The following GYPE variants were observed in gnomAD, a reference collection of about 807,000 sequenced individuals.
GYPE encodes the protein glycophorin-E.
A neutral mutation model predicts 11.6 loss-of-function variants in GYPE; 8 were observed. The ratio of observed to expected loss-of-function variants is 0.69; its 90% CI spans 0.41 to 1.25. GYPE has a LOEUF of 1.25. GYPE is among the 50% of genes most tolerant of loss of function. The pLI is 0.01. For missense variants in GYPE, 90 were observed against 92.8 expected (o/e 0.97, Z 0.12); for synonymous variants, 28 against 29.6 (o/e 0.94, Z 0.18).
chr4:143,894,330 C>A (rs1246064668), intron 1 of GYPE, among the ~76,000 whole-genome samples: 1 of 152,146 alleles, frequency 6.6e-6, no homozygotes, highest in Non-Finnish European at 1.5e-5. Flanking sequence ...ATTATCCGTC[C>A]AGCTTTGTTC....
chr4:143,898,908 A>G (rs1047060274), intron 1 of GYPE, among the ~76,000 whole-genome samples: 1 of 150,576 alleles, frequency 6.6e-6, no homozygotes, highest in Non-Finnish European at 1.5e-5. Context: ...TTTCAGTGCC[A>G]TGATCTCTAT....
At chr4:143,895,568 A>C (rs1744595896) in intron 1 of GYPE, among the ~76,000 whole-genome samples, 1 of 149,940 alleles carries the variant, frequency 6.7e-6, no homozygotes, top group Non-Finnish European at 1.5e-5. Context: ...TATCGTGAAA[A>C]TGGCCATACT....
intron 1 of GYPE, among the ~76,000 whole-genome samples, chr4:143,894,618 A>G (rs1024463839): frequency 6.6e-6 from 1 of 152,172 alleles, no homozygotes; most frequent in Non-Finnish European, 1.5e-5. Flanking sequence ...TATTCCAATC[A>G]ATAGAAAAAG....
At chr4:143,885,224 T>A (rs1293051427) in intron 1 of GYPE, among the ~76,000 whole-genome samples, 3 of 152,148 alleles carry the variant, frequency 2.0e-5, no homozygotes, top group Non-Finnish European at 1.5e-5. Context: ...AGCTAACATC[T>A]CTTAAAATTG....
chr4:143,896,793 G>A (rs1163694730), intron 1 of GYPE, among the ~76,000 whole-genome samples: 3 of 152,190 alleles, frequency 2.0e-5, no homozygotes, highest in African/African-American at 7.2e-5. Flanking sequence ...TTAAGAAAAT[G>A]TGGCACATAT....
At chr4:143,872,328 A>C (rs200700981) in intron 3 of GYPE, 76 bp from the exon 4 acceptor site, 1 of 152,546 alleles carries the variant, frequency 6.6e-6, no homozygotes, top group African/African-American at 2.4e-5. Flanking sequence ...TAACAAAAAC[A>C]ACCAGAAAGT....
At position 143,871,576 on chromosome 4, in the gene GYPE, G is replaced by A. The variant is rs899869054; in HGVS notation, c.*686C>T. The stretch of plus-strand genomic sequence containing the variant: ...CACTGGAGTCTCTCGTCAGTGACCT[G>A]GTGGTGAATATATGGTAATGGGTAA... On this transcript the variant is annotated 3_prime_UTR_variant, in exon 4 of 4. Transcript: ENST00000358615. 3.9e-4 allele frequency: 59 copies of A among 152,248 alleles called. No individual in the cohort carries two copies. The highest frequency in any genetic ancestry group is 1.4e-3 in the African/African-American group (59 of 41,514). 9.4% of individuals were successfully genotyped at this position (152,248 alleles called of 1,614,324 possible).
chr4:143,905,516 C>T lies in GYPE; in HGVS notation c.-9G>A, dbSNP rs866514788. 1 of 1,613,182 alleles carries T rather than the reference C, an allele frequency of 6.2e-7. No individual in the cohort carries two copies. Among genetic ancestry groups the T allele is most frequent in the Admixed American group, 1.7e-5 (1 of 59,940 alleles). On this transcript the variant is annotated 5_prime_UTR_variant, in exon 1 of 4. Transcript: ENST00000358615. Reference sequence around the variant, plus strand: ...ATTATTTTTCCATACATCCTGAGATCACGAGCTGGCTCCTGAAGTTAGTGC... The same window carrying T: ...ATTATTTTTCCATACATCCTGAGATTACGAGCTGGCTCCTGAAGTTAGTGC...
intron 1 of GYPE, among the ~76,000 whole-genome samples, chr4:143,901,179 A>G (rs1744851927): frequency 6.6e-6 from 1 of 152,128 alleles, no homozygotes; most frequent in Non-Finnish European, 1.5e-5. Flanking sequence ...TTTGTACACT[A>G]CAAACAAAGA....
At chr4:143,882,095 GTTC>G (rs1196640619) in intron 1 of GYPE, among the ~76,000 whole-genome samples, 2 of 152,040 alleles carry the variant, frequency 1.3e-5, no homozygotes, top group Non-Finnish European at 2.9e-5. Context: ...TCTCTTTTAA[GTTC>G]TTTTCTGGCC....
intron 1 of GYPE, among the ~76,000 whole-genome samples, chr4:143,883,190 T>TGCTCCTGCTCCAAGGCTCTCTCTC (rs1744104800): frequency 6.6e-6 from 1 of 152,088 alleles, no homozygotes; most frequent in Non-Finnish European, 1.5e-5. Context: ...CACTCTCTCT[T>TGCTCCTGCTCCAAGGCTCTCTCTC]GCTCCTGCTC....
At position 143,871,947 on chromosome 4, in the gene GYPE, G is replaced by A. The variant is rs575493922; in HGVS notation, c.*315C>T. 4 of 152,238 alleles carry A rather than the reference G, an allele frequency of 2.6e-5. No homozygotes were observed. Among genetic ancestry groups the A allele is most frequent in the East Asian group, 1.9e-4 (1 of 5,164 alleles). 9.4% of individuals were successfully genotyped at this position (152,238 alleles called of 1,614,324 possible). On this transcript the variant is annotated 3_prime_UTR_variant, in exon 4 of 4. Transcript: ENST00000358615. Reference sequence around the variant, plus strand: ...GAGTTATCTTGCTGATCTTACCCAGGAGGACTGTCCCCTAGGCAAGGGGAC... The same window carrying A: ...GAGTTATCTTGCTGATCTTACCCAGAAGGACTGTCCCCTAGGCAAGGGGAC...
chr4:143,877,348 A>C (rs1288492802), intron 2 of GYPE, among the ~76,000 whole-genome samples: 2 of 152,232 alleles, frequency 1.3e-5, no homozygotes, highest in Non-Finnish European at 2.9e-5. Flanking sequence ...AGGTTAACTT[A>C]GCCTTGGTCA....
At chr4:143,874,101 T>C (rs1360091180) in intron 3 of GYPE, among the ~76,000 whole-genome samples, 2 of 150,198 alleles carry the variant, frequency 1.3e-5, no homozygotes, top group East Asian at 3.9e-4. Context: ...TATGTATATA[T>C]GTATATATAT....
chr4:143,877,981 G>C (rs1743874896), intron 2 of GYPE, among the ~76,000 whole-genome samples: 1 of 148,160 alleles, frequency 6.7e-6, no homozygotes, highest in African/African-American at 2.5e-5. Context: ...TTTTACATGA[G>C]GGCAGAGGGA....
rs1053517816 is a variant in GYPE at position 143,871,294 on chromosome 4, T to C, written c.*968A>G. On this transcript the variant is annotated 3_prime_UTR_variant, in exon 4 of 4. Coordinates refer to ENST00000358615, the MANE Select transcript of GYPE (RefSeq NM_198682.3). ...CTTCAAGGAACCTAAATCCTGGTGT[T>C]TTTATGGTTACGGGTGGCATATAAT... is the stretch of plus-strand genomic sequence containing the variant. The C allele has an allele frequency of 6.6e-5, 10 of 152,216 alleles. No homozygotes were observed. The highest frequency in any genetic ancestry group is 3.3e-4 in the Admixed American group (5 of 15,278). The allele number at this position is 152,216 out of a possible 1,614,324, so 9.4% of individuals were successfully genotyped here. A position where few individuals can be genotyped will look rare whatever the true frequency, so the allele number is the denominator to read the frequency against.
intron 1 of GYPE, among the ~76,000 whole-genome samples, chr4:143,894,744 AAAAATCCTCAAT>A (rs1410862731): frequency 1.3e-5 from 2 of 152,200 alleles, no homozygotes; most frequent in Admixed American, 6.5e-5. Context: ...ACATTGATGC[AAAAATCCTCAAT>A]AAAATCCTGG....
At chr4:143,878,894 C>A (rs1743914115) in intron 2 of GYPE, among the ~76,000 whole-genome samples, 1 of 152,074 alleles carries the variant, frequency 6.6e-6, no homozygotes, top group Non-Finnish European at 1.5e-5. Flanking sequence ...AACAAGTATT[C>A]ATGGATGACA....
intron 1 of GYPE, among the ~76,000 whole-genome samples, chr4:143,900,695 T>A (rs543422660): frequency 6.6e-6 from 1 of 152,204 alleles, no homozygotes; most frequent in African/African-American, 2.4e-5. Context: ...ATGGATGAAC[T>A]TTAAACACAT....
Sources: allele counts gnomAD v4.1 joint callset (sites outside exome capture counted in the v4.1 genomes callset), GRCh38; gene constraint gnomAD v4.1.1; transcripts MANE v1.5; gene names NCBI Gene and HGNC (gene_info 2026-07-23, HGNC 2026-07-21).